The following GRIA4 variants were observed in gnomAD, a reference collection of about 807,000 sequenced individuals.
The protein encoded by GRIA4 is glutamate receptor 4.
Under a neutral mutation model 104.0 loss-of-function variants are expected in GRIA4, and 34 were observed. That is an observed-to-expected ratio of 0.33 (90% CI 0.25 to 0.44). The LOEUF (loss-of-function observed/expected upper bound fraction) is 0.44. GRIA4 is among the 20% of genes least tolerant of loss of function. GRIA4 has a pLI of 1.00. For missense variants in GRIA4, 750 were observed against 1,096.5 expected (o/e 0.68, Z 4.46); for synonymous variants, 386 against 381.9 (o/e 1.01, Z -0.13).
intron 3 of GRIA4, among the ~76,000 whole-genome samples, chr11:105,628,482 T>C (rs1426488701): frequency 1.3e-5 from 2 of 152,266 alleles, no homozygotes; most frequent in East Asian, 1.9e-4. Context: ...GGGAGTATGA[T>C]AGTAAGTGAG....
At chr11:105,637,000 T>C (rs1039539724) in intron 3 of GRIA4, among the ~76,000 whole-genome samples, 5 of 152,158 alleles carry the variant, frequency 3.3e-5, no homozygotes, top group African/African-American at 9.7e-5. Flanking sequence ...CAATACAAAA[T>C]GATTTTAGTG....
At position 105,970,721 on chromosome 11, in the gene GRIA4, G is replaced by A. The variant is rs76723864; in HGVS notation, c.2295-1193G>A. ...CAGCATTTCCTAGAAGAACTGAGGC[G>A]CATTAGGGGATACAACCAGGCAAAA... On this transcript the variant is annotated intron_variant, in intron 14 of 16. Coordinates refer to ENST00000282499, the MANE Select transcript of GRIA4 (RefSeq NM_000829.4). Among the ~76,000 whole-genome samples the A allele has an allele frequency of 8.0e-3, 1,218 of 152,216 alleles. 22 individuals are homozygous for A. Among genetic ancestry groups the A allele is most frequent in the African/African-American group, 0.028 (1,170 of 41,536 alleles).
intron 3 of GRIA4, among the ~76,000 whole-genome samples, chr11:105,742,545 C>T (rs771329620): frequency 6.6e-6 from 1 of 150,584 alleles, no homozygotes; most frequent in African/African-American, 2.4e-5. Flanking sequence ...CATATTTATA[C>T]ACACACACAC....
At chr11:105,644,579 G>C (rs977603254) in intron 3 of GRIA4, among the ~76,000 whole-genome samples, 1 of 152,072 alleles carries the variant, frequency 6.6e-6, no homozygotes, top group African/African-American at 2.4e-5. Context: ...ACTCCATCCT[G>C]GGTGAAAGAG....
intron 4 of GRIA4, among the ~76,000 whole-genome samples, chr11:105,803,037 A>T (rs1388332179): frequency 6.6e-6 from 1 of 151,998 alleles, no homozygotes; most frequent in African/African-American, 2.4e-5. Context: ...AGACCTTTCA[A>T]CTCAAAAGAA....
intron 14 of GRIA4, among the ~76,000 whole-genome samples, chr11:105,942,431 G>A (rs1246069559): frequency 3.3e-5 from 5 of 151,986 alleles, no homozygotes; most frequent in African/African-American, 9.7e-5. Flanking sequence ...AACAATAATA[G>A]TACAGTTCAG....
intron 4 of GRIA4, among the ~76,000 whole-genome samples, chr11:105,839,778 G>T (rs905639269): frequency 6.6e-6 from 1 of 151,790 alleles, no homozygotes; most frequent in South Asian, 2.1e-4. Context: ...CATTAATAGT[G>T]GCTGATACTT....
intron 8 of GRIA4, 22 bp from the exon 9 acceptor site, chr11:105,905,175 T>C: frequency 1.5e-6 from 2 of 1,295,410 alleles, no homozygotes; most frequent in Non-Finnish European, 2.2e-6. Flanking sequence ...AGTGAACACG[T>C]GTGGTTTTCT....
At chr11:105,812,242 A>G (rs1369624570) in intron 4 of GRIA4, among the ~76,000 whole-genome samples, 7 of 152,046 alleles carry the variant, frequency 4.6e-5, no homozygotes, top group Non-Finnish European at 7.4e-5. Flanking sequence ...TCCCTTCTCA[A>G]TTTCTACCTG....
At chr11:105,723,620 C>T (rs967832026) in intron 3 of GRIA4, among the ~76,000 whole-genome samples, 1 of 152,026 alleles carries the variant, frequency 6.6e-6, no homozygotes, top group Non-Finnish European at 1.5e-5. Context: ...TAGTCTTAAC[C>T]TCAGCTTCCT....
chr11:105,680,509 A>G (rs1194844550), intron 3 of GRIA4, among the ~76,000 whole-genome samples: 1 of 152,108 alleles, frequency 6.6e-6, no homozygotes, highest in East Asian at 1.9e-4. Flanking sequence ...TGAAGAACAT[A>G]GTAAGACTAG....
At chr11:105,764,294 G>A (rs1037257448) in intron 4 of GRIA4, among the ~76,000 whole-genome samples, 2 of 151,954 alleles carry the variant, frequency 1.3e-5, no homozygotes, top group Admixed American at 6.6e-5. Context: ...CCACTACCAC[G>A]CCCAGCTAAT....
intron 14 of GRIA4, among the ~76,000 whole-genome samples, chr11:105,938,634 A>G (rs982363513): frequency 1.3e-5 from 2 of 152,152 alleles, no homozygotes; most frequent in Non-Finnish European, 1.5e-5. Flanking sequence ...ATATTTTGAG[A>G]TACAGTCTGT....
rs1859240939 is a variant in GRIA4, at chr11:105,981,328, G to A, written c.*1589G>A. ...AAGGATGAGTTGAGTTTTAACAGGA[G>A]GAGAAGGTGTTAAGAGCCATATGAG... On this transcript the variant is annotated 3_prime_UTR_variant, in exon 17 of 17. Coordinates refer to ENST00000282499, the MANE Select transcript of GRIA4 (RefSeq NM_000829.4). 1 of 152,558 alleles carries A rather than the reference G, an allele frequency of 6.6e-6. No individual in the cohort carries two copies. Among genetic ancestry groups the A allele is most frequent in the Non-Finnish European group, 1.5e-5 (1 of 68,012 alleles). 9.5% of individuals were successfully genotyped at this position (152,558 alleles called of 1,614,324 possible). A position where few individuals can be genotyped will look rare whatever the true frequency, so the allele number is the denominator to read the frequency against.
In GRIA4 at chr11:105,789,524, C is replaced by T. The variant is rs79855266; in HGVS notation, c.487+36304C>T. 2.5e-3 allele frequency among the ~76,000 whole-genome samples: 384 copies of T among 152,162 alleles called. 4 individuals are homozygous for T. Among genetic ancestry groups the T allele is most frequent in the African/African-American group, 8.9e-3 (370 of 41,512 alleles). On this transcript the variant is annotated intron_variant, in intron 4 of 16. Coordinates refer to ENST00000282499, the MANE Select transcript of GRIA4 (RefSeq NM_000829.4). ...CAGAGACAGGTCATGTATGTCCTCC[C>T]GCCCCTCCTTTGTTCTTGGAGCATA...
intron 15 of GRIA4, among the ~76,000 whole-genome samples, chr11:105,973,338 C>T (rs609665): frequency 0.63 from 96,432 of 151,918 alleles, 30,678 homozygotes; most frequent in East Asian, 0.75. Context: ...CTTGCAATAA[C>T]ATTATGTAAT....
At chr11:105,623,698 C>T (rs1950813013) in intron 3 of GRIA4, among the ~76,000 whole-genome samples, 1 of 152,080 alleles carries the variant, frequency 6.6e-6, no homozygotes, top group Non-Finnish European at 1.5e-5. Flanking sequence ...TGGCTAACCT[C>T]TGTAGCCAAA....
chr11:105,803,481 G>C (rs1359042772), intron 4 of GRIA4, among the ~76,000 whole-genome samples: 1 of 151,748 alleles, frequency 6.6e-6, no homozygotes, highest in Admixed American at 6.6e-5. Flanking sequence ...TGCTTCATAA[G>C]GTGGAACAAA....
chr11:105,728,922 T>C (rs753043418), intron 3 of GRIA4, among the ~76,000 whole-genome samples: 26 of 151,878 alleles, frequency 1.7e-4, no homozygotes, highest in Non-Finnish European at 2.9e-4. Flanking sequence ...AAATCCACAC[T>C]CTAACATCAC....
Sources: gnomAD v4.1 joint callset for allele counts (sites outside exome capture counted in the v4.1 genomes callset) on GRCh38, gnomAD v4.1.1 for gene constraint, MANE v1.5 for transcripts, NCBI Gene and HGNC (gene_info 2026-07-23, HGNC 2026-07-21) for gene names.